Variants in ZNF329 observed in about 807,000 individuals in gnomAD.
ZNF329 encodes zinc finger protein 329.
A neutral mutation model predicts 26.6 loss-of-function variants in ZNF329; 15 were observed. That is an observed-to-expected ratio of 0.56 (90% CI 0.38 to 0.87). The LOEUF is 0.87. Among genes scored for constraint, ZNF329 ranks in the 40% least tolerant of loss-of-function variants. The pLI, the probability that ZNF329 is intolerant of heterozygous loss-of-function variation, is 0.00. For synonymous variants in ZNF329, 239 were observed against 233.5 expected (o/e 1.02, Z -0.21); for missense variants, 651 against 651.9 (o/e 1.00, Z 0.02).
intron 1 of ZNF329, among the ~76,000 whole-genome samples, chr19:58,143,739 A>T (rs281075): frequency 1.3e-5 from 2 of 152,026 alleles, no homozygotes; most frequent in African/African-American, 4.8e-5. Flanking sequence ...ACACAGGCTT[A>T]TAAGACCTAA....
At chr19:58,134,372 A>G (rs1459196499) in intron 3 of ZNF329, among the ~76,000 whole-genome samples, 2 of 152,218 alleles carry the variant, frequency 1.3e-5, no homozygotes, top group Non-Finnish European at 2.9e-5. Context: ...AACAGCACAA[A>G]AAGGACAGAC....
intron 3 of ZNF329, among the ~76,000 whole-genome samples, chr19:58,140,704 G>C (rs747599576): frequency 2.0e-5 from 3 of 151,190 alleles, no homozygotes; most frequent in African/African-American, 7.3e-5. Context: ...CGTGACCACC[G>C]CGCCCAGCCC....
chr19:58,131,958 G>C lies in ZNF329; in HGVS notation c.-8-2447C>G, dbSNP rs1224939809. ...GAATGGCATGAACCCGGGAGGCAGA[G>C]CTTGCAGTGAGCCGCGATAGCGCCA... On this transcript the variant is annotated intron_variant, in intron 3 of 3. Coordinates refer to ENST00000598312, the MANE Select transcript of ZNF329 (RefSeq NM_024620.4). Among the ~76,000 whole-genome samples the C allele has an allele frequency of 1.6e-4, 24 of 148,190 alleles. No individual in the cohort carries two copies. In the Admixed American group the frequency reaches 1.6e-3, roughly 10 times the overall value.
chr19:58,138,045 G>A (rs1172621182), intron 3 of ZNF329, among the ~76,000 whole-genome samples: 1 of 151,866 alleles, frequency 6.6e-6, no homozygotes, highest in East Asian at 1.9e-4. Context: ...GTCAGACAGG[G>A]GTTTAACTAA....
At chr19:58,147,426 C>G (rs1199715087) in intron 1 of ZNF329, among the ~76,000 whole-genome samples, 1 of 138,462 alleles carries the variant, frequency 7.2e-6, no homozygotes, top group Admixed American at 7.1e-5. Flanking sequence ...AGGTGGGGGG[C>G]CAGCCCCCCG....
At position 58,129,415 on chromosome 19, in the gene ZNF329, C is replaced by G. The variant is rs1018645547; in HGVS notation, c.89G>C (p.Cys30Ser). ...EVERFTREVP[C>S]LSSLGDGWDC... ...CCAACCATCACCTAAACTGGACAAG[C>G]AGGGAACTTCCCTTGTGAATCTTTC... Residue 30 changes from cysteine (C) to serine (S), a missense_variant, in exon 4 of 4, where the codon TGC becomes TCC. Cys to Ser is a moderately radical substitution (Grantham distance 112, BLOSUM62 -1). Transcript: ENST00000598312. The G allele has an allele frequency of 6.2e-7, 1 of 1,614,196 alleles. No individual in the cohort carries two copies. The highest frequency in any genetic ancestry group is 8.5e-7 in the Non-Finnish European group (1 of 1,180,030).
rs61737261 is a variant in ZNF329 at position 58,128,256 on chromosome 19, C to T, written c.1248G>A (p.Arg416=). The T allele has an allele frequency of 0.019, 29,799 of 1,602,092 alleles. 375 individuals are homozygous for T. The highest frequency in any genetic ancestry group is 0.034 in the South Asian group (3,047 of 89,088). ...KTFIESAYLI[R]HQRIHTGEKP... is the part of the protein sequence containing the mutation. ...TCTCGCCAGTATGAATCCTCTGATG[C>T]CTGATGAGGTACGCACTCTCGATGA... The change falls in exon 4 of 4, where the codon AGG becomes AGA. Residue 416 remains arginine (R), a synonymous_variant. Transcript: ENST00000598312.
chr19:58,127,706 A>C lies in ZNF329; in HGVS notation c.*172T>G. The C allele has an allele frequency of 1.6e-6, 1 of 613,134 alleles. No homozygotes were observed. The highest frequency in any genetic ancestry group is 2.7e-6 in the Non-Finnish European group (1 of 368,432). The allele number at this position is 613,134 out of a possible 1,614,324, so 38.0% of individuals were successfully genotyped here. A position where few individuals can be genotyped will look rare whatever the true frequency, so the allele number is the denominator to read the frequency against. On this transcript the variant is annotated 3_prime_UTR_variant, in exon 4 of 4. Coordinates refer to ENST00000598312, the MANE Select transcript of ZNF329 (RefSeq NM_024620.4). The stretch of plus-strand genomic sequence containing the variant: ...TGCCCTCATCCTAAGTTGTCTCTGG[A>C]GTTCCCCAATGAGCAGACTTAACAG...
In ZNF329 at chr19:58,128,963, C is replaced by T; in HGVS notation, c.541G>A (p.Glu181Lys). The change falls in exon 4 of 4, where the codon GAG becomes AAG. Residue 181 changes from glutamate (E) to lysine (K), a missense_variant. Physicochemically the swap from Glu to Lys is moderately conservative, Grantham distance 56 (BLOSUM62 1). Coordinates refer to ENST00000598312, the MANE Select transcript of ZNF329 (RefSeq NM_024620.4). ...GKKSYEGKNF[E>K]NIFTLSSSLN... ...GATGAGCTCAGAGTAAAGATGTTCT[C>T]AAAATTCTTACCTTCATACGATTTC... The T allele has an allele frequency of 6.2e-7, 1 of 1,613,328 alleles. No individual in the cohort carries two copies. Among genetic ancestry groups the T allele is most frequent in the Non-Finnish European group, 8.5e-7 (1 of 1,179,744 alleles).
At chr19:58,140,231 C>T (rs1042970786) in intron 3 of ZNF329, among the ~76,000 whole-genome samples, 1 of 151,984 alleles carries the variant, frequency 6.6e-6, no homozygotes, top group African/African-American at 2.4e-5. Context: ...TTAGTGCCCC[C>T]AGAATTGTAT....
At chr19:58,139,226 A>G (rs1354357596) in intron 3 of ZNF329, among the ~76,000 whole-genome samples, 2 of 152,206 alleles carry the variant, frequency 1.3e-5, no homozygotes. Context: ...AAACACCACC[A>G]AGAAAGTGAA....
At chr19:58,141,691 A>C (rs1384931494) in intron 3 of ZNF329, among the ~76,000 whole-genome samples, 1 of 152,028 alleles carries the variant, frequency 6.6e-6, no homozygotes, top group Admixed American at 6.5e-5. Context: ...CAGGAATTCA[A>C]GACCAGCCTG....
chr19:58,133,826 T>G (rs1172113486), intron 3 of ZNF329, among the ~76,000 whole-genome samples: 1 of 148,144 alleles, frequency 6.8e-6, no homozygotes, highest in Non-Finnish European at 1.5e-5. Context: ...CAGTGAGATG[T>G]CATCTCTTAA....
intron 1 of ZNF329, among the ~76,000 whole-genome samples, chr19:58,149,126 G>A (rs896293565): frequency 6.6e-6 from 1 of 152,150 alleles, no homozygotes; most frequent in African/African-American, 2.4e-5. Context: ...AGTGACCTCT[G>A]GTCCTGCTCC....
chr19:58,131,887 G>A (rs1214793217), intron 3 of ZNF329, among the ~76,000 whole-genome samples: 1 of 152,014 alleles, frequency 6.6e-6, no homozygotes, highest in Non-Finnish European at 1.5e-5. Flanking sequence ...GCCAGGCGTG[G>A]TGGCGGGCGC....
upstream of ZNF329, among the ~76,000 whole-genome samples, chr19:58,152,241 C>T (rs547998674): frequency 3.9e-5 from 6 of 152,056 alleles, no homozygotes; most frequent in East Asian, 1.9e-4. Context: ...CCATGAAGGC[C>T]GTATCAGACC....
intron 1 of ZNF329, among the ~76,000 whole-genome samples, chr19:58,146,538 C>T (rs146241479): frequency 0.013 from 1,964 of 151,134 alleles, 12 homozygotes; most frequent in African/African-American, 0.02. Context: ...TCTCCCCCTC[C>T]CCCTCTCCCT....
chr19:58,146,696 A>G (rs983261776), intron 1 of ZNF329, among the ~76,000 whole-genome samples: 1 of 149,458 alleles, frequency 6.7e-6, no homozygotes, highest in Non-Finnish European at 1.5e-5. Flanking sequence ...AATTGCAGGC[A>G]CGCGCCGCCA....
At chr19:58,143,607 G>A (rs1370410710) in intron 1 of ZNF329, among the ~76,000 whole-genome samples, 1 of 152,108 alleles carries the variant, frequency 6.6e-6, no homozygotes, top group Non-Finnish European at 1.5e-5. Flanking sequence ...AAACAGACTT[G>A]GAGGCATTTA....
Sources: allele counts gnomAD v4.1 joint callset (sites outside exome capture counted in the v4.1 genomes callset), GRCh38; gene constraint gnomAD v4.1.1; transcripts MANE v1.5; gene names NCBI Gene and HGNC (gene_info 2026-07-23, HGNC 2026-07-21).